The following RBFOX1 variants were observed in gnomAD, a reference collection of about 807,000 sequenced individuals.
RBFOX1 encodes the protein RNA binding fox-1 homolog 1.
Under a neutral mutation model 57.7 loss-of-function variants are expected in RBFOX1, and 8 were observed. The observed-to-expected ratio is 0.14, with a 90% confidence interval of 0.08 to 0.25. The LOEUF is 0.25. Among genes scored for constraint, RBFOX1 ranks in the 10% least tolerant of loss-of-function variants. The pLI, the probability that RBFOX1 is intolerant of heterozygous loss-of-function variation, is 1.00. For synonymous variants in RBFOX1, 326 were observed against 222.4 expected, an observed-to-expected ratio of 1.47 and a Z score of -4.15; for missense variants, 611 against 548.5, an observed-to-expected ratio of 1.11 and a Z score of -1.14.
chr16:6,175,460 A>C (rs1833906897), intron 1 of RBFOX1, among the ~76,000 whole-genome samples: 1 of 151,892 alleles, frequency 6.6e-6, no homozygotes, highest in Admixed American at 6.6e-5. Flanking sequence ...TATTTAATCC[A>C]GTTGGTCCCA....
At chr16:5,663,565 G>C (rs370987846) in intron 3 of RBFOX1, among the ~76,000 whole-genome samples, 9 of 152,268 alleles carry the variant, frequency 5.9e-5, no homozygotes, top group African/African-American at 2.4e-5. Flanking sequence ...CAGTTGTTGA[G>C]AGTGCAGGGG....
intron 2 of RBFOX1, among the ~76,000 whole-genome samples, chr16:6,571,766 C>T (rs1012494231): frequency 2.0e-5 from 3 of 152,144 alleles, no homozygotes; most frequent in Non-Finnish European, 4.4e-5. Context: ...TCTGGGCCTG[C>T]TGCAGCCACT....
At chr16:6,057,551 A>C (rs2095629320) in intron 1 of RBFOX1, among the ~76,000 whole-genome samples, 1 of 151,936 alleles carries the variant, frequency 6.6e-6, no homozygotes, top group African/African-American at 2.4e-5. Context: ...TCTGCCAACA[A>C]ATGGGGACAG....
chr16:6,888,972 C>G (rs1169052531), intron 3 of RBFOX1, among the ~76,000 whole-genome samples: 1 of 152,144 alleles, frequency 6.6e-6, no homozygotes, highest in Non-Finnish European at 1.5e-5. Flanking sequence ...GCAGACACAG[C>G]TTTTCTGTTT....
intron 1 of RBFOX1, among the ~76,000 whole-genome samples, chr16:6,134,452 G>A (rs1307599103): frequency 6.6e-6 from 1 of 152,130 alleles, no homozygotes; most frequent in Non-Finnish European, 1.5e-5. Flanking sequence ...CTTGTTAGGG[G>A]TATTGTACTA....
chr16:7,691,943 T>C (rs568952267), intron 14 of RBFOX1, among the ~76,000 whole-genome samples: 1 of 152,300 alleles, frequency 6.6e-6, no homozygotes, highest in South Asian at 2.1e-4. Flanking sequence ...AGTGCCTGTT[T>C]TGTGCAGCCC....
At chr16:6,144,863 C>T (rs992785542) in intron 1 of RBFOX1, among the ~76,000 whole-genome samples, 1 of 152,156 alleles carries the variant, frequency 6.6e-6, no homozygotes, top group African/African-American at 2.4e-5. Context: ...CCCTCTTATG[C>T]AAGTGCTTGA....
At chr16:7,055,614 G>A (rs915190148) in intron 4 of RBFOX1, among the ~76,000 whole-genome samples, 5 of 152,122 alleles carry the variant, frequency 3.3e-5, no homozygotes, top group African/African-American at 1.2e-4. Flanking sequence ...CACTGCAGTC[G>A]TTTTCTTAGA....
chr16:7,423,915 C>G (rs1043207569), intron 4 of RBFOX1, among the ~76,000 whole-genome samples: 4 of 152,102 alleles, frequency 2.6e-5, no homozygotes, highest in African/African-American at 4.8e-5. Flanking sequence ...TGAAGGAAAC[C>G]TTGTGTTTTA....
rs1555635136 is a variant in RBFOX1, at chr16:6,344,407, C to CTTTTTCTTT, written c.-64+27355_-64+27356insCTTTTTTTT. Among the ~76,000 whole-genome samples, 3 of 109,846 alleles carry CTTTTTCTTT rather than the reference C, an allele frequency of 2.7e-5. 1 individual carries two copies. Among genetic ancestry groups the CTTTTTCTTT allele is most frequent in the Non-Finnish European group, 5.1e-5 (3 of 59,146 alleles). 72.1% of individuals were successfully genotyped at this position (109,846 alleles called of 152,430 possible). On this transcript the variant is annotated intron_variant, in intron 2 of 15. Coordinates refer to ENST00000550418, the MANE Select transcript of RBFOX1 (RefSeq NM_018723.4). Reference sequence around the variant, plus strand: ...TCTCTTCTTCTTTTTTCTTTTTTTTCTTTTTTTTTTTTGAGACAGAGTCTC... The same window carrying CTTTTTCTTT: ...TCTCTTCTTCTTTTTTCTTTTTTTTCTTTTTCTTTTTTTTTTTTTTTGAGACAGAGTCTC...
intron 1 of RBFOX1, among the ~76,000 whole-genome samples, chr16:6,105,239 C>G (rs12445571): frequency 0.68 from 103,088 of 151,832 alleles, 35,683 homozygotes; most frequent in African/African-American, 0.8. Flanking sequence ...TGTCTACTGG[C>G]ACCTGGTGGC....
chr16:7,630,807 G>A, intron 11 of RBFOX1, 124 bp downstream of exon 11: 2 of 1,479,294 alleles, frequency 1.4e-6, no homozygotes, highest in South Asian at 1.4e-5. Context: ...TCTCTGAGGT[G>A]AAGTTAATTT....
chr16:5,652,962 C>G (rs1319862987), intron 3 of RBFOX1, among the ~76,000 whole-genome samples: 1 of 152,186 alleles, frequency 6.6e-6, no homozygotes, highest in Admixed American at 6.5e-5. Context: ...TCTGCTGCAC[C>G]CTGTGCACAC....
chr16:6,934,677 G>A (rs1567958693), intron 3 of RBFOX1, among the ~76,000 whole-genome samples: 1 of 151,114 alleles, frequency 6.6e-6, no homozygotes, highest in South Asian at 2.1e-4. Flanking sequence ...CTCATATGTG[G>A]GAGTTAAAAA....
At chr16:7,528,624 A>C (rs902045571) in intron 5 of RBFOX1, among the ~76,000 whole-genome samples, 1 of 152,290 alleles carries the variant, frequency 6.6e-6, no homozygotes, top group African/African-American at 2.4e-5. Flanking sequence ...TCAGTAGCTC[A>C]GTACTGCCTC....
intron 1 of RBFOX1, among the ~76,000 whole-genome samples, chr16:6,149,575 T>G (rs1313343487): frequency 6.6e-6 from 1 of 152,224 alleles, no homozygotes; most frequent in African/African-American, 2.4e-5. Context: ...AAGGTGCCTG[T>G]GAGCATCCCT....
intron 3 of RBFOX1, among the ~76,000 whole-genome samples, chr16:6,990,583 A>T (rs906306056): frequency 2.6e-5 from 4 of 152,074 alleles, no homozygotes; most frequent in Non-Finnish European, 4.4e-5. Flanking sequence ...GTCCCATAAA[A>T]TATATCCAAG....
chr16:5,618,753 C>T (rs1338168034), intron 3 of RBFOX1, among the ~76,000 whole-genome samples: 2 of 152,252 alleles, frequency 1.3e-5, no homozygotes, highest in Non-Finnish European at 2.9e-5. Context: ...TTGAAGCCAG[C>T]TCAGGAAGGT....
chr16:7,590,863 GAAAAAAAAA>G (rs36061659), intron 7 of RBFOX1, among the ~76,000 whole-genome samples: 3 of 102,900 alleles, frequency 2.9e-5, no homozygotes, highest in Admixed American at 1.1e-4. Flanking sequence ...CTGTCTCTAA[GAAAAAAAAA>G]AAAAAAAAAA....
Sources: allele counts gnomAD v4.1 joint callset (sites outside exome capture counted in the v4.1 genomes callset), GRCh38; gene constraint gnomAD v4.1.1; transcripts MANE v1.5; gene names NCBI Gene and HGNC (gene_info 2026-07-23, HGNC 2026-07-21).